KCNQ3: variants seen among roughly 807,000 people sequenced by gnomAD.
The protein encoded by KCNQ3 is potassium voltage-gated channel subfamily KQT member 3.
Under a neutral mutation model 92.5 loss-of-function variants are expected in KCNQ3, and 30 were observed. That is an observed-to-expected ratio of 0.32 (90% CI 0.24 to 0.44). The LOEUF is 0.44. Among genes scored for constraint, KCNQ3 ranks in the 20% least tolerant of loss-of-function variants. KCNQ3 has a pLI of 1.00. For synonymous variants in KCNQ3, 450 were observed against 468.8 expected, an observed-to-expected ratio of 0.96 and a Z score of 0.52; for missense variants, 913 against 1,140.3, an observed-to-expected ratio of 0.80 and a Z score of 2.87.
chr8:132,361,514 C>T (rs747734959), intron 1 of KCNQ3, among the ~76,000 whole-genome samples: 1 of 152,130 alleles, frequency 6.6e-6, no homozygotes, highest in East Asian at 1.9e-4. Flanking sequence ...AGAATAGCAA[C>T]CTCGTTTATC....
chr8:132,184,502 G>C (rs1826898061), intron 2 of KCNQ3, 135 bp from the exon 3 acceptor site: 1 of 916,926 alleles, frequency 1.1e-6, no homozygotes, highest in African/African-American at 1.7e-5. Flanking sequence ...GGATGGCTGG[G>C]GATGGGGGTG....
intron 7 of KCNQ3, among the ~76,000 whole-genome samples, chr8:132,171,331 C>T (rs1158276526): frequency 6.6e-6 from 1 of 152,168 alleles, no homozygotes; most frequent in Admixed American, 6.5e-5. Flanking sequence ...CACAGAGACA[C>T]TCACTACAAC....
intron 1 of KCNQ3, among the ~76,000 whole-genome samples, chr8:132,230,520 T>C (rs902883679): frequency 4.6e-5 from 7 of 151,750 alleles, no homozygotes; most frequent in African/African-American, 1.7e-4. Context: ...GTCACAGAAA[T>C]TTTCTTGCAA....
At chr8:132,268,051 GAT>G (rs1321325459) in intron 1 of KCNQ3, among the ~76,000 whole-genome samples, 3 of 152,212 alleles carry the variant, frequency 2.0e-5, no homozygotes, top group Admixed American at 6.5e-5. Context: ...ATCCAGAGTA[GAT>G]ATATTGATCT....
intron 1 of KCNQ3, among the ~76,000 whole-genome samples, chr8:132,442,213 C>T (rs923291387): frequency 3.9e-5 from 6 of 152,068 alleles, no homozygotes; most frequent in African/African-American, 1.4e-4. Flanking sequence ...TGTGCTTGTA[C>T]CCCTGAACTT....
chr8:132,437,916 A>G (rs1201482232), intron 1 of KCNQ3, among the ~76,000 whole-genome samples: 3 of 152,236 alleles, frequency 2.0e-5, no homozygotes, highest in Admixed American at 2.0e-4. Flanking sequence ...AGGAAAAATG[A>G]TTTAATCCAT....
chr8:132,155,249 C>T (rs1275819677), intron 9 of KCNQ3, among the ~76,000 whole-genome samples: 1 of 152,072 alleles, frequency 6.6e-6, no homozygotes, highest in Non-Finnish European at 1.5e-5. Flanking sequence ...TCAGGGCTGA[C>T]AAAAAGCAGA....
Position 132,187,701 on chromosome 8 carries a change from AGTGGTG to A in KCNQ3, c.387-1526_387-1521del, listed in dbSNP as rs375123348. ...TGGTGATTATGATGGTTGTGATGAT[AGTGGTG>A]GTGGTGGTGGTGATGGTGGTGATAG... On this transcript the variant is annotated intron_variant, in intron 1 of 14. Coordinates refer to ENST00000388996, the MANE Select transcript of KCNQ3 (RefSeq NM_004519.4). 5.2e-4 allele frequency among the ~76,000 whole-genome samples: 34 copies of A among 65,624 alleles called. No individual in the cohort carries two copies. The East Asian group carries it at 6.6e-3, about 13-fold the overall frequency. 43.1% of individuals were successfully genotyped at this position (65,624 alleles called of 152,430 possible). A position where few individuals can be genotyped will look rare whatever the true frequency, so the allele number is the denominator to read the frequency against.
Position 132,467,908 on chromosome 8 carries a change from G to A in KCNQ3, c.386+12239C>T, listed in dbSNP as rs139234017. Among the ~76,000 whole-genome samples, 721 of 152,232 alleles carry A rather than the reference G, an allele frequency of 4.7e-3. 25 individuals are homozygous for A. The East Asian group carries it at 0.064, about 13-fold the overall frequency. ...GGCCAGTGTGGCTGAATGGATGCCC[G>A]CCTTGCACGAAGACTTGGTTTGGGT... On this transcript the variant is annotated intron_variant, in intron 1 of 14. Transcript: ENST00000388996.
At chr8:132,467,475 T>A (rs1406529511) in intron 1 of KCNQ3, among the ~76,000 whole-genome samples, 1 of 152,110 alleles carries the variant, frequency 6.6e-6, no homozygotes, top group African/African-American at 2.4e-5. Context: ...GAGACTATTT[T>A]ATAGGACTCT....
At chr8:132,459,405 T>C (rs1263928481) in intron 1 of KCNQ3, among the ~76,000 whole-genome samples, 1 of 152,136 alleles carries the variant, frequency 6.6e-6, no homozygotes, top group Non-Finnish European at 1.5e-5. Context: ...CTTCCACTCA[T>C]GGTAGAAAGG....
intron 1 of KCNQ3, among the ~76,000 whole-genome samples, chr8:132,230,964 T>A (rs1006103122): frequency 1.3e-5 from 2 of 152,192 alleles, no homozygotes; most frequent in Non-Finnish European, 1.5e-5. Context: ...AAAATGAGGT[T>A]ATGATGGGCC....
intron 1 of KCNQ3, among the ~76,000 whole-genome samples, chr8:132,263,731 A>G (rs1215633065): frequency 6.6e-6 from 1 of 152,226 alleles, no homozygotes; most frequent in Non-Finnish European, 1.5e-5. Flanking sequence ...CTCCTTCTTC[A>G]TGAGTGGCTC....
At chr8:132,364,686 CGGACGGACGGAT>C (rs1563880106) in intron 1 of KCNQ3, among the ~76,000 whole-genome samples, 2 of 114,584 alleles carry the variant, frequency 1.7e-5, no homozygotes, top group South Asian at 6.4e-4. Flanking sequence ...GACGGACGGA[CGGACGGACGGAT>C]GGATGGATGG....
chr8:132,253,930 C>T (rs1815494491), intron 1 of KCNQ3, among the ~76,000 whole-genome samples: 1 of 152,302 alleles, frequency 6.6e-6, no homozygotes. Context: ...ATCTGTTACC[C>T]ACATTCTAAA....
chr8:132,255,551 A>G (rs1005128541), intron 1 of KCNQ3, among the ~76,000 whole-genome samples: 1 of 152,198 alleles, frequency 6.6e-6, no homozygotes, highest in Admixed American at 6.5e-5. Context: ...ATAAGTGCAT[A>G]CCCAATAAAG....
chr8:132,444,849 G>A (rs1279211651), intron 1 of KCNQ3, among the ~76,000 whole-genome samples: 3 of 152,188 alleles, frequency 2.0e-5, no homozygotes, highest in Non-Finnish European at 4.4e-5. Flanking sequence ...AAAATAAAGA[G>A]AATAATAATT....
At chr8:132,173,809 G>C (rs1826460588) in intron 6 of KCNQ3, among the ~76,000 whole-genome samples, 1 of 152,158 alleles carries the variant, frequency 6.6e-6, no homozygotes, top group Non-Finnish European at 1.5e-5. Flanking sequence ...TAAGTAACAG[G>C]ACAAGAGAAG....
At chr8:132,380,217 C>A (rs1443373014) in intron 1 of KCNQ3, among the ~76,000 whole-genome samples, 1 of 152,092 alleles carries the variant, frequency 6.6e-6, no homozygotes, top group Non-Finnish European at 1.5e-5. Context: ...CTTGTCTGCA[C>A]CCGGCACACA....
Sources: allele counts gnomAD v4.1 joint callset (sites outside exome capture counted in the v4.1 genomes callset), GRCh38; gene constraint gnomAD v4.1.1; transcripts MANE v1.5; gene names NCBI Gene and HGNC (gene_info 2026-07-23, HGNC 2026-07-21).